RAP2A: variants seen among roughly 807,000 people sequenced by gnomAD.
The protein encoded by RAP2A is RAP2A, member of RAS oncogene family.
In RAP2A, 5 loss-of-function variants were observed where a neutral mutation model predicts 15.1. That is an observed-to-expected ratio of 0.33 (90% CI 0.17 to 0.70). The LOEUF (loss-of-function observed/expected upper bound fraction) is 0.70, where lower values mean the gene tolerates loss of function less well. RAP2A is among the 30% of genes least tolerant of loss of function. The pLI is 0.68. For missense variants in RAP2A, 111 were observed against 240.3 expected (o/e 0.46, Z 3.56); for synonymous variants, 110 against 99.7 (o/e 1.10, Z -0.62).
At chr13:97,434,865 G>A (rs2066626038) in intron 1 of RAP2A, 81 bp downstream of exon 1, 2 of 1,556,884 alleles carry the variant, frequency 1.3e-6, no homozygotes, top group Non-Finnish European at 1.7e-6. Context: ...GCGGGGCTCC[G>A]GGGAAGGGGC....
chr13:97,435,509 A>G lies in RAP2A; in HGVS notation c.314+725A>G, dbSNP rs543367489. 5.4e-5 allele frequency among the ~76,000 whole-genome samples: 8 copies of G among 147,284 alleles called. No homozygotes were observed. The Admixed American group carries it at 5.4e-4, about 10-fold the overall frequency. ...AAAACACCACCACACCACCACCACC[A>G]GTTCCTGGAAACAAAACAGAAGCTT... On this transcript the variant is annotated intron_variant, in intron 1 of 1. Coordinates refer to ENST00000245304, the MANE Select transcript of RAP2A (RefSeq NM_021033.7).
chr13:97,457,037 A>T (rs2066725920), intron 1 of RAP2A, among the ~76,000 whole-genome samples: 1 of 152,154 alleles, frequency 6.6e-6, no homozygotes, highest in African/African-American at 2.4e-5. Context: ...CAAAACTCCC[A>T]TAACACTTTA....
chr13:97,466,265 G>A lies in RAP2A; in HGVS notation c.*1823G>A, dbSNP rs1421537461. ...CATAATGAAAAAACTGAAGAGATAC[G>A]TGAATGAAACCAGGCCATAGCTGTC... On this transcript the variant is annotated 3_prime_UTR_variant, in exon 2 of 2. Coordinates refer to ENST00000245304, the MANE Select transcript of RAP2A (RefSeq NM_021033.7). 4.0e-5 allele frequency: 6 copies of A among 150,834 alleles called. No homozygotes were observed. Among genetic ancestry groups the A allele is most frequent in the Non-Finnish European group, 5.9e-5 (4 of 67,918 alleles). 9.3% of individuals were successfully genotyped at this position (150,834 alleles called of 1,614,324 possible).
chr13:97,448,736 G>C (rs901894949), intron 1 of RAP2A, among the ~76,000 whole-genome samples: 61 of 152,136 alleles, frequency 4.0e-4, no homozygotes, highest in African/African-American at 1.4e-3. Context: ...AAAAAACTCA[G>C]GTTCGCTCAC....
At position 97,434,799 on chromosome 13, in the gene RAP2A, A is replaced by T. The variant is rs745927520; in HGVS notation, c.314+15A>T. 6.2e-7 allele frequency: 1 copy of T among 1,612,944 alleles called. No homozygotes were observed. The highest frequency in any genetic ancestry group is 8.5e-7 in the Non-Finnish European group (1 of 1,179,444). ...CGCGTGAAGCGGTGAGCGAGGGCACACGGGGGCTTGGCGGCTGCACCCCGG... is the reference window on the plus strand; with the variant it reads ...CGCGTGAAGCGGTGAGCGAGGGCACTCGGGGGCTTGGCGGCTGCACCCCGG... On this transcript the variant is annotated intron_variant, in intron 1 of 1. Transcript: ENST00000245304.
intron 1 of RAP2A, chr13:97,437,581 G>A (rs1269607029): frequency 6.6e-6 from 1 of 152,148 alleles, no homozygotes; most frequent in Non-Finnish European, 1.5e-5. Context: ...TTCCTTAAAT[G>A]TTACCCTTGA....
intron 1 of RAP2A, among the ~76,000 whole-genome samples, chr13:97,462,752 C>T (rs2066753267): frequency 6.6e-6 from 1 of 152,190 alleles, no homozygotes; most frequent in South Asian, 2.1e-4. Flanking sequence ...CCAAATGGCA[C>T]ACTACCTGGA....
At chr13:97,445,186 A>G (rs1395684388) in intron 1 of RAP2A, among the ~76,000 whole-genome samples, 3 of 152,208 alleles carry the variant, frequency 2.0e-5, no homozygotes, top group Admixed American at 1.3e-4. Context: ...ACAAGCATTC[A>G]GACCACAGCA....
At chr13:97,436,240 A>G (rs773433565) in intron 1 of RAP2A, 1 of 152,142 alleles carries the variant, frequency 6.6e-6, no homozygotes, top group Non-Finnish European at 1.5e-5. Flanking sequence ...TTAAATGTTT[A>G]TAGTTAAGAG....
rs956044897 is a variant in RAP2A at position 97,465,299 on chromosome 13, A to T, written c.*857A>T. The T allele has an allele frequency of 6.6e-6, 1 of 152,660 alleles. No individual in the cohort carries two copies. The highest frequency in any genetic ancestry group is 1.5e-5 in the Non-Finnish European group (1 of 68,046). 9.5% of individuals were successfully genotyped at this position (152,660 alleles called of 1,614,324 possible). ...ACTAACAAGAAGCATTCTAATAGAT[A>T]AACTAGTACCATCATGTAAGGAAGA... On this transcript the variant is annotated 3_prime_UTR_variant, in exon 2 of 2. Coordinates refer to ENST00000245304, the MANE Select transcript of RAP2A (RefSeq NM_021033.7).
chr13:97,453,023 T>C (rs1484701901), intron 1 of RAP2A, among the ~76,000 whole-genome samples: 3 of 151,446 alleles, frequency 2.0e-5, no homozygotes, highest in Admixed American at 6.6e-5. Flanking sequence ...TTATAAGTTA[T>C]GTTTATAGTT....
In RAP2A at chr13:97,468,625, T is replaced by G. The variant is rs1286933455; in HGVS notation, c.*4183T>G. On this transcript the variant is annotated 3_prime_UTR_variant, in exon 2 of 2. Coordinates refer to ENST00000245304, the MANE Select transcript of RAP2A (RefSeq NM_021033.7). The stretch of plus-strand genomic sequence containing the variant: ...AGTTGAGAAGCTTCATTGTTTTAGA[T>G]TATAAGAATAATTTGAATGAATATA... The G allele has an allele frequency of 6.6e-6, 1 of 152,232 alleles. No homozygotes were observed. The highest frequency in any genetic ancestry group is 1.9e-4 in the East Asian group (1 of 5,204). The allele number at this position is 152,232 out of a possible 1,614,324, so 9.4% of individuals were successfully genotyped here.
intron 1 of RAP2A, among the ~76,000 whole-genome samples, chr13:97,450,658 TAA>T (rs59138188): frequency 6.9e-6 from 1 of 145,372 alleles, no homozygotes. Flanking sequence ...ATATTACGCT[TAA>T]AAAAAAAAAA....
Position 97,464,283 on chromosome 13 carries a change from C to G in RAP2A, c.393C>G (p.Gly131=). The change falls in exon 2 of 2, where the codon GGC becomes GGG. Residue 131 remains glycine, a synonymous_variant. Transcript: ENST00000245304. ...ESEREVSSSE[G]RALAEEWGCP... is the part of the protein sequence containing the mutation. The stretch of plus-strand genomic sequence containing the variant: ...AGAGAGAAGTATCGTCCAGCGAAGG[C>G]AGAGCCCTTGCTGAAGAGTGGGGCT... 6.2e-7 allele frequency: 1 copy of G among 1,614,216 alleles called. No homozygotes were observed. The highest frequency in any genetic ancestry group is 8.5e-7 in the Non-Finnish European group (1 of 1,180,044).
intron 1 of RAP2A, among the ~76,000 whole-genome samples, chr13:97,438,871 G>C (rs2066645116): frequency 6.6e-6 from 1 of 152,188 alleles, no homozygotes; most frequent in Non-Finnish European, 1.5e-5. Context: ...TGAATGTTCA[G>C]AAAGAAAAGT....
intron 1 of RAP2A, among the ~76,000 whole-genome samples, chr13:97,447,429 T>C (rs543569602): frequency 1.4e-4 from 21 of 152,338 alleles, no homozygotes; most frequent in Non-Finnish European, 2.5e-4. Context: ...GTCTATTATT[T>C]GGTGGTGCTC....
At position 97,467,524 on chromosome 13, in the gene RAP2A, A is replaced by G. The variant is rs2066777292; in HGVS notation, c.*3082A>G. The G allele has an allele frequency of 6.6e-6, 1 of 152,602 alleles. No homozygotes were observed. Among genetic ancestry groups the G allele is most frequent in the African/African-American group, 2.4e-5 (1 of 41,452 alleles). 9.5% of individuals were successfully genotyped at this position (152,602 alleles called of 1,614,324 possible). On this transcript the variant is annotated 3_prime_UTR_variant, in exon 2 of 2. Transcript: ENST00000245304. ...GTATGAATGTTAATGTTGTCAGTGT[A>G]TGTATGAATATGAAAGTGCTTTGTT...
chr13:97,445,603 G>T (rs551562350), intron 1 of RAP2A, among the ~76,000 whole-genome samples: 5 of 152,258 alleles, frequency 3.3e-5, no homozygotes, highest in South Asian at 4.2e-4. Flanking sequence ...TTGCTGGATG[G>T]TCAACTAGTT....
chr13:97,446,268 CTTTTT>C (rs779649460), intron 1 of RAP2A, among the ~76,000 whole-genome samples: 73 of 151,434 alleles, frequency 4.8e-4, no homozygotes, highest in Non-Finnish European at 9.0e-4. Flanking sequence ...CAAACTCTCT[CTTTTT>C]TTTTAAATCA....
Sources: allele counts gnomAD v4.1 joint callset (sites outside exome capture counted in the v4.1 genomes callset), GRCh38; gene constraint gnomAD v4.1.1; transcripts MANE v1.5; gene names NCBI Gene and HGNC (gene_info 2026-07-23, HGNC 2026-07-21).